The following TENM2 variants were observed in gnomAD, a reference collection of about 807,000 sequenced individuals.
TENM2 encodes teneurin-2.
A neutral mutation model predicts 245.2 loss-of-function variants in TENM2; 52 were observed. That is an observed-to-expected ratio of 0.21 (90% CI 0.17 to 0.27). The LOEUF is 0.27. Among genes scored for constraint, TENM2 ranks in the 10% least tolerant of loss-of-function variants. TENM2 has a pLI of 1.00. For missense variants in TENM2, 3,046 were observed against 3,666.8 expected (o/e 0.83, Z 4.37); for synonymous variants, 1,363 against 1,438.9 (o/e 0.95, Z 1.19).
the TENM2 span, among the ~76,000 whole-genome samples, chr5:167,088,266 C>G: frequency 6.6e-6 from 1 of 152,074 alleles, no homozygotes; most frequent in African/African-American, 2.4e-5. Flanking sequence ...GGGTCTAAAG[C>G]AAATGTCCCT....
chr5:167,834,640 CTTT>C (rs555150513), intron 2 of TENM2, among the ~76,000 whole-genome samples: 17,223 of 129,152 alleles, frequency 0.13, 1,610 homozygotes, highest in East Asian at 0.59. Flanking sequence ...TGTACAATTT[CTTT>C]TTTTTTTTTT....
intron 2 of TENM2, among the ~76,000 whole-genome samples, chr5:167,431,353 A>C (rs1764209323): frequency 6.6e-6 from 1 of 152,178 alleles, no homozygotes; most frequent in South Asian, 2.1e-4. Context: ...ATAGCAAAGA[A>C]GGCAGGAAAA....
At chr5:167,115,964 G>T in the TENM2 span, among the ~76,000 whole-genome samples, 1 of 152,148 alleles carries the variant, frequency 6.6e-6, no homozygotes, top group East Asian at 1.9e-4. Context: ...AATGACACAT[G>T]CACACCTAAT....
At chr5:168,160,693 T>C (rs1390805615) in intron 12 of TENM2, among the ~76,000 whole-genome samples, 4 of 152,182 alleles carry the variant, frequency 2.6e-5, no homozygotes, top group Non-Finnish European at 4.4e-5. Context: ...TTGTATACCC[T>C]TGAGACCTTG....
chr5:167,758,627 A>G (rs1180131699), intron 2 of TENM2, among the ~76,000 whole-genome samples: 1 of 151,970 alleles, frequency 6.6e-6, no homozygotes, highest in Non-Finnish European at 1.5e-5. Flanking sequence ...TTAGCTCTAG[A>G]TCATTGCATG....
At chr5:167,224,769 T>G in the TENM2 span, among the ~76,000 whole-genome samples, 1 of 152,074 alleles carries the variant, frequency 6.6e-6, no homozygotes, top group Non-Finnish European at 1.5e-5. Flanking sequence ...GATATTACAT[T>G]GAATCTATAG....
chr5:166,987,393 G>A, the TENM2 span, among the ~76,000 whole-genome samples: 2 of 150,632 alleles, frequency 1.3e-5, no homozygotes, highest in Non-Finnish European at 1.5e-5. Context: ...GCATAAAATT[G>A]TATTTTAATC....
intron 2 of TENM2, among the ~76,000 whole-genome samples, chr5:167,702,143 C>T (rs77484727): frequency 0.019 from 2,824 of 152,236 alleles, 95 homozygotes; most frequent in African/African-American, 0.065. Flanking sequence ...CACTCTGAAA[C>T]GCCAAAGAAA....
At chr5:167,132,388 G>C in the TENM2 span, among the ~76,000 whole-genome samples, 1 of 152,082 alleles carries the variant, frequency 6.6e-6, no homozygotes, top group Non-Finnish European at 1.5e-5. Context: ...GAAACACGGT[G>C]GCATTTGTGC....
intron 2 of TENM2, among the ~76,000 whole-genome samples, chr5:167,799,902 G>A (rs1179384564): frequency 6.6e-6 from 1 of 152,188 alleles, no homozygotes; most frequent in African/African-American, 2.4e-5. Context: ...GATACCTGGG[G>A]CCCATCCCCA....
the TENM2 span, among the ~76,000 whole-genome samples, chr5:167,106,136 G>T: frequency 6.6e-6 from 1 of 151,990 alleles, no homozygotes; most frequent in African/African-American, 2.4e-5. Context: ...TCTTGGCTCT[G>T]TGCCTGGTAC....
intron 25 of TENM2, among the ~76,000 whole-genome samples, chr5:168,228,403 CG>C: frequency 6.6e-6 from 1 of 152,268 alleles, no homozygotes; most frequent in Middle Eastern, 3.4e-3. Context: ...CTGAAAAAGG[CG>C]GCCATTTCCT....
intron 1 of TENM2, among the ~76,000 whole-genome samples, chr5:167,319,184 A>G (rs1324206183): frequency 1.3e-5 from 2 of 152,214 alleles, no homozygotes; most frequent in African/African-American, 4.8e-5. Flanking sequence ...TCACTGTTGT[A>G]GAATGTCTGT....
chr5:167,857,715 G>T (rs1241181959), intron 2 of TENM2, among the ~76,000 whole-genome samples: 1 of 152,194 alleles, frequency 6.6e-6, no homozygotes, highest in Admixed American at 6.5e-5. Context: ...TATTAGGGGG[G>T]AGGGGAGCAG....
At chr5:167,618,028 T>C (rs1308963660) in intron 2 of TENM2, among the ~76,000 whole-genome samples, 1 of 152,124 alleles carries the variant, frequency 6.6e-6, no homozygotes, top group South Asian at 2.1e-4. Flanking sequence ...GTGCTTGGGA[T>C]TGGAGGTCTT....
rs1200918346 is a variant in TENM2, at chr5:167,478,237, C to A, written c.502+102764C>A. The stretch of plus-strand genomic sequence containing the variant: ...ACAATCCAAATGAAAACATGGCTTG[C>A]AGGAGCTGCTTCTGTTTCCTCATCT... On this transcript the variant is annotated intron_variant, in intron 2 of 28. Transcript: ENST00000518659. 4.6e-5 allele frequency among the ~76,000 whole-genome samples: 7 copies of A among 152,152 alleles called. No individual in the cohort carries two copies. The East Asian group carries it at 1.2e-3, about 25-fold the overall frequency.
chr5:167,677,707 T>C (rs1756425768), intron 2 of TENM2, among the ~76,000 whole-genome samples: 1 of 149,224 alleles, frequency 6.7e-6, no homozygotes, highest in African/African-American at 2.4e-5. Flanking sequence ...TTTAATGATA[T>C]TTATATATGA....
At chr5:167,095,572 A>G in the TENM2 span, among the ~76,000 whole-genome samples, 1 of 152,174 alleles carries the variant, frequency 6.6e-6, no homozygotes, top group African/African-American at 2.4e-5. Flanking sequence ...AGGACAGAGT[A>G]TCTGAGTTTT....
At chr5:167,043,952 A>G in the TENM2 span, among the ~76,000 whole-genome samples, 94,912 of 151,134 alleles carry the variant, frequency 0.63, 31,858 homozygotes, top group African/African-American at 0.88. Context: ...CCCAGGAGGT[A>G]GAGGTTGCAG....
Sources: gnomAD v4.1 joint callset for allele counts (sites outside exome capture counted in the v4.1 genomes callset) on GRCh38, gnomAD v4.1.1 for gene constraint, MANE v1.5 for transcripts, NCBI Gene and HGNC (gene_info 2026-07-23, HGNC 2026-07-21) for gene names.